Variants in DACH1 observed in about 807,000 individuals in gnomAD.
DACH1 encodes dachshund homolog 1.
In DACH1, 12 loss-of-function variants were observed where a neutral mutation model predicts 54.2. The ratio of observed to expected loss-of-function variants is 0.22; its 90% CI spans 0.14 to 0.36. DACH1 has a LOEUF of 0.36. DACH1 is among the 10% of genes least tolerant of loss of function. The pLI is 1.00. For synonymous variants in DACH1, 386 were observed against 366.2 expected, an observed-to-expected ratio of 1.05 and a Z score of -0.62; for missense variants, 805 against 929.8, an observed-to-expected ratio of 0.87 and a Z score of 1.75.
chr13:71,464,738 G>GAAC (rs1876413646), intron 10 of DACH1: 1 of 453,998 alleles, frequency 2.2e-6, no homozygotes, highest in Non-Finnish European at 4.4e-6. Flanking sequence ...TTGCAGCTAA[G>GAAC]AACTTTATCT....
chr13:71,558,328 C>T (rs1344419705), intron 5 of DACH1, among the ~76,000 whole-genome samples: 1 of 151,872 alleles, frequency 6.6e-6, no homozygotes, highest in Non-Finnish European at 1.5e-5. Context: ...TAATATGTTA[C>T]ATATATGTAC....
intron 2 of DACH1, among the ~76,000 whole-genome samples, chr13:71,651,218 AGGG>A (rs1878639658): frequency 6.6e-6 from 1 of 151,864 alleles, no homozygotes; most frequent in South Asian, 2.1e-4. Flanking sequence ...AAAGTGCATG[AGGG>A]CAGGGCACGG....
chr13:71,680,783 A>T (rs1369110427), intron 2 of DACH1, among the ~76,000 whole-genome samples: 1 of 152,230 alleles, frequency 6.6e-6, no homozygotes, highest in Non-Finnish European at 1.5e-5. Context: ...GATGAGTTAG[A>T]GACAGTCATT....
intron 2 of DACH1, among the ~76,000 whole-genome samples, chr13:71,676,372 CA>C (rs1174461544): frequency 6.6e-6 from 1 of 152,140 alleles, no homozygotes; most frequent in African/African-American, 2.4e-5. Flanking sequence ...CACCTGCCAC[CA>C]TGCCCAGCTA....
intron 1 of DACH1, among the ~76,000 whole-genome samples, chr13:71,847,985 TG>T (rs1489884733): frequency 6.6e-6 from 1 of 152,216 alleles, no homozygotes; most frequent in Non-Finnish European, 1.5e-5. Flanking sequence ...TTGAGATGCT[TG>T]GTCATATCTC....
chr13:71,640,831 G>A (rs1252923170), intron 2 of DACH1, among the ~76,000 whole-genome samples: 1 of 152,068 alleles, frequency 6.6e-6, no homozygotes, highest in Non-Finnish European at 1.5e-5. Flanking sequence ...AATATAATAA[G>A]TGAAAAGAGG....
chr13:71,674,265 C>T (rs1194830329), intron 2 of DACH1, among the ~76,000 whole-genome samples: 1 of 151,914 alleles, frequency 6.6e-6, no homozygotes, highest in Non-Finnish European at 1.5e-5. Flanking sequence ...CCAATGGCCT[C>T]CAAAATTAAG....
intron 6 of DACH1, among the ~76,000 whole-genome samples, chr13:71,552,700 G>A (rs1883891078): frequency 1.4e-5 from 2 of 146,978 alleles, no homozygotes; most frequent in African/African-American, 5.0e-5. Flanking sequence ...GATCAGCAAT[G>A]TTTTAAAACA....
At chr13:71,609,328 A>G (rs1268672161) in intron 3 of DACH1, among the ~76,000 whole-genome samples, 1 of 152,148 alleles carries the variant, frequency 6.6e-6, no homozygotes, top group African/African-American at 2.4e-5. Context: ...ATACATATAA[A>G]CACACAAACA....
chr13:71,571,093 T>G (rs1000118192), intron 4 of DACH1, among the ~76,000 whole-genome samples: 1 of 152,186 alleles, frequency 6.6e-6, no homozygotes, highest in African/African-American at 2.4e-5. Flanking sequence ...TTCTGTAATA[T>G]GTTTGCCTTA....
At chr13:71,638,623 A>G (rs959313317) in intron 2 of DACH1, among the ~76,000 whole-genome samples, 3 of 152,120 alleles carry the variant, frequency 2.0e-5, no homozygotes, top group African/African-American at 7.2e-5. Flanking sequence ...CCTATTGTTT[A>G]CTTCTGTTGA....
chr13:71,664,742 G>A (rs922228676), intron 2 of DACH1, among the ~76,000 whole-genome samples: 4 of 151,954 alleles, frequency 2.6e-5, no homozygotes, highest in Non-Finnish European at 5.9e-5. Context: ...CAGCATGGTA[G>A]GATTATGAGT....
intron 2 of DACH1, among the ~76,000 whole-genome samples, chr13:71,648,847 T>C (rs1468785945): frequency 6.6e-5 from 10 of 152,122 alleles, no homozygotes; most frequent in South Asian, 2.1e-4. Flanking sequence ...GCCACCCCTT[T>C]CCTGCCATTT....
chr13:71,583,540 A>C (rs535484226), intron 3 of DACH1, among the ~76,000 whole-genome samples: 1 of 152,144 alleles, frequency 6.6e-6, no homozygotes, highest in African/African-American at 2.4e-5. Flanking sequence ...AAATCTACCT[A>C]TTAAAAATAA....
chr13:71,673,201 T>C (rs932709718), intron 2 of DACH1, among the ~76,000 whole-genome samples: 5 of 152,110 alleles, frequency 3.3e-5, no homozygotes, highest in Non-Finnish European at 7.4e-5. Flanking sequence ...TCTAGTAATA[T>C]GTGGTTATTT....
chr13:71,532,758 G>A (rs1479820468), intron 6 of DACH1, among the ~76,000 whole-genome samples: 1 of 151,756 alleles, frequency 6.6e-6, no homozygotes, highest in Admixed American at 6.6e-5. Context: ...AACCTCTTCT[G>A]GTTTGCATTT....
At chr13:71,694,954 A>C (rs368348876) in intron 1 of DACH1, among the ~76,000 whole-genome samples, 3 of 152,188 alleles carry the variant, frequency 2.0e-5, no homozygotes, top group African/African-American at 7.2e-5. Context: ...TAAGTGTGGA[A>C]ACTGAGGCAA....
intron 6 of DACH1, among the ~76,000 whole-genome samples, chr13:71,515,344 C>T (rs1296069824): frequency 6.6e-6 from 1 of 151,752 alleles, no homozygotes; most frequent in Non-Finnish European, 1.5e-5. Context: ...AAACATATTC[C>T]AACGAAAATA....
Position 71,686,489 on chromosome 13 carries a change from AC to A in DACH1, c.849-4580del, listed in dbSNP as rs200553951. ...TCCTACAACTGTATAATGTTTACTA[AC>A]TTTTCCAGGTCCATTTATTGTTTTT... On this transcript the variant is annotated intron_variant, in intron 1 of 10. Coordinates refer to ENST00000613252, the MANE Select transcript of DACH1 (RefSeq NM_080759.6). 2.5e-3 allele frequency among the ~76,000 whole-genome samples: 381 copies of A among 152,278 alleles called. 3 individuals carry two copies. Among genetic ancestry groups the A allele is most frequent in the African/African-American group, 8.7e-3 (362 of 41,562 alleles).
Sources: allele counts gnomAD v4.1 joint callset (sites outside exome capture counted in the v4.1 genomes callset), GRCh38; gene constraint gnomAD v4.1.1; transcripts MANE v1.5; gene names NCBI Gene and HGNC (gene_info 2026-07-23, HGNC 2026-07-21).